Variants in DSC2 observed in about 807,000 individuals in gnomAD.
The protein encoded by DSC2 is desmocollin 2.
A neutral mutation model predicts 87.6 loss-of-function variants in DSC2; 51 were observed. That is an observed-to-expected ratio of 0.58 (90% CI 0.46 to 0.74). DSC2 has a LOEUF of 0.74. Among genes scored for constraint, DSC2 ranks in the 30% least tolerant of loss-of-function variants. The pLI is 0.00. For missense variants in DSC2, 1,066 were observed against 1,089.5 expected, an observed-to-expected ratio of 0.98 and a Z score of 0.30; for synonymous variants, 383 against 393.2, an observed-to-expected ratio of 0.97 and a Z score of 0.31.
At chr18:31,071,575 T>C in intron 13 of DSC2, 30 bp downstream of exon 13, 1 of 1,595,722 alleles carries the variant, frequency 6.3e-7, no homozygotes, top group South Asian at 1.1e-5. Flanking sequence ...AAGGGTATTA[T>C]TTGAATTCAA....
At chr18:31,100,545 GTTA>G (rs758215586) in intron 1 of DSC2, among the ~76,000 whole-genome samples, 16 of 152,150 alleles carry the variant, frequency 1.1e-4, no homozygotes, top group Non-Finnish European at 1.9e-4. Flanking sequence ...CCCTTTCTAT[GTTA>G]TTAATATGCC....
Position 31,064,550 on chromosome 18 carries a change from G to T in DSC2, c.*3465C>A, listed in dbSNP as rs1029253567. The T allele has an allele frequency of 6.6e-6, 1 of 152,192 alleles. No individual in the cohort carries two copies. The highest frequency in any genetic ancestry group is 1.5e-5 in the Non-Finnish European group (1 of 68,028). The allele number at this position is 152,192 out of a possible 1,614,324, so 9.4% of individuals were successfully genotyped here. ...TCTCTGTTTCAAGCCTAAGTAAGTG[G>T]AAGAAGGGCACCATTGTGTAAATAA... On this transcript the variant is annotated 3_prime_UTR_variant, in exon 16 of 16. Coordinates refer to ENST00000280904, the MANE Select transcript of DSC2 (RefSeq NM_024422.6).
At chr18:31,081,496 T>C (rs1987218185) in intron 9 of DSC2, among the ~76,000 whole-genome samples, 10 of 152,146 alleles carry the variant, frequency 6.6e-5, no homozygotes, top group Admixed American at 6.6e-4. Flanking sequence ...TTCTCTGCTA[T>C]TTTAAAATAG....
chr18:31,077,428 T>G (rs1474756744), intron 11 of DSC2, among the ~76,000 whole-genome samples: 3 of 152,234 alleles, frequency 2.0e-5, no homozygotes, highest in Non-Finnish European at 4.4e-5. Context: ...AATTGTGCTA[T>G]CTTTAAAAAC....
At chr18:31,094,846 TA>T (rs771026832) in intron 1 of DSC2, among the ~76,000 whole-genome samples, 1 of 152,202 alleles carries the variant, frequency 6.6e-6, no homozygotes, top group Non-Finnish European at 1.5e-5. Context: ...ACTGGCTGCA[TA>T]GCCAAGAGAG....
Position 31,068,955 on chromosome 18 carries a change from A to G in DSC2, c.2447T>C (p.Val816Ala). The change falls in exon 15 of 16, where the codon GTG becomes GCG. Residue 816 changes from valine to alanine, a missense_variant. Val to Ala is a moderately conservative substitution (Grantham distance 64). Coordinates refer to ENST00000280904, the MANE Select transcript of DSC2 (RefSeq NM_024422.6). ...CGAGTAAGTGTATCTGCAGTTGTCC[A>G]CCTCCGTGTGTCCTCCCCTGCAGGA... is the stretch of plus-strand genomic sequence containing the variant. Reference protein sequence around the residue: ...LDSCRGGHTEVDNCRYTYSEW... With the variant: ...LDSCRGGHTEADNCRYTYSEW... 1 of 1,614,038 alleles carries G rather than the reference A, an allele frequency of 6.2e-7. No individual in the cohort carries two copies. Among genetic ancestry groups the G allele is most frequent in the Non-Finnish European group, 8.5e-7 (1 of 1,179,998 alleles).
At position 31,066,907 on chromosome 18, in the gene DSC2, C is replaced by T. The variant is rs942443664; in HGVS notation, c.*1108G>A. 3 of 152,030 alleles carry T rather than the reference C, an allele frequency of 2.0e-5. No individual in the cohort carries two copies. The highest frequency in any genetic ancestry group is 2.9e-5 in the Non-Finnish European group (2 of 67,976). 9.4% of individuals were successfully genotyped at this position (152,030 alleles called of 1,614,324 possible). On this transcript the variant is annotated 3_prime_UTR_variant, in exon 16 of 16. Transcript: ENST00000280904. ...ATCACTACTTCACATTTTTAAACTGCATCCTTGCATTACAGAACTGTAAAT... is the reference window on the plus strand; with the variant it reads ...ATCACTACTTCACATTTTTAAACTGTATCCTTGCATTACAGAACTGTAAAT...
intron 4 of DSC2, among the ~76,000 whole-genome samples, chr18:31,090,798 G>T (rs548499113): frequency 6.6e-6 from 1 of 152,286 alleles, no homozygotes; most frequent in East Asian, 1.9e-4. Context: ...AATTCATTAA[G>T]GAACCATGTG....
intron 1 of DSC2, among the ~76,000 whole-genome samples, chr18:31,100,882 C>T (rs201399183): frequency 6.6e-6 from 1 of 152,042 alleles, no homozygotes; most frequent in African/African-American, 2.4e-5. Flanking sequence ...TTTTTATATC[C>T]CCAATTCCCC....
At chr18:31,070,909 T>C in intron 13 of DSC2, 59 bp from the exon 14 acceptor site, 2 of 1,572,398 alleles carry the variant, frequency 1.3e-6, no homozygotes, top group South Asian at 2.2e-5. Flanking sequence ...GTTATAAATG[T>C]ACAATGGTTA....
At chr18:31,068,652 C>A (rs1344189843) in intron 15 of DSC2, among the ~76,000 whole-genome samples, 1 of 151,840 alleles carries the variant, frequency 6.6e-6, no homozygotes, top group African/African-American at 2.4e-5. Context: ...AGCCATGAGA[C>A]AGTAATTTAA....
chr18:31,086,705 A>G lies in DSC2; in HGVS notation c.813T>C (p.Asp271=). ...TVGQVCATDK[D]EPDTMHTRLK... is the part of the protein sequence containing the mutation. Reference sequence around the variant, plus strand: ...GGCGTGTGTGCATCGTGTCAGGCTCATCTTTGTCAGTAGCACACACTTGTC... The same window carrying G: ...GGCGTGTGTGCATCGTGTCAGGCTCGTCTTTGTCAGTAGCACACACTTGTC... The change falls in exon 7 of 16, where the codon GAT becomes GAC. Residue 271 remains aspartate, a synonymous_variant. Coordinates refer to ENST00000280904, the MANE Select transcript of DSC2 (RefSeq NM_024422.6). 1 of 1,614,140 alleles carries G rather than the reference A, an allele frequency of 6.2e-7. No homozygotes were observed. The highest frequency in any genetic ancestry group is 8.5e-7 in the Non-Finnish European group (1 of 1,180,012).
Position 31,082,191 on chromosome 18 carries a change from A to G in DSC2, c.1263+47T>C, listed in dbSNP as rs904402009. ...TCTTTCCATTAAATTCTAGCATGCT[A>G]TTCTATGATATTATAAACTACAAAT... On this transcript the variant is annotated intron_variant, in intron 9 of 15. Coordinates refer to ENST00000280904, the MANE Select transcript of DSC2 (RefSeq NM_024422.6). The G allele has an allele frequency of 1.6e-5, 24 of 1,544,318 alleles. No individual in the cohort carries two copies. In the African/African-American group the frequency reaches 3.3e-4, roughly 21 times the overall value.
chr18:31,060,492 C>T lies in DSC2; in HGVS notation c.*7523G>A, dbSNP rs1624923. 0.037 allele frequency: 5,591 copies of T among 152,324 alleles called. 129 individuals are homozygous for T. Among genetic ancestry groups the T allele is most frequent in the Non-Finnish European group, 0.06 (4,064 of 68,112 alleles). The allele number at this position is 152,324 out of a possible 1,614,324, so 9.4% of individuals were successfully genotyped here. On this transcript the variant is annotated 3_prime_UTR_variant, in exon 16 of 16. Transcript: ENST00000280904. ...CACAGGCCCCTCTGAAGCTCCTGGC[C>T]GCCACAGTCAGTGAGCATTACCTGT...
intron 3 of DSC2, 128 bp from the exon 4 acceptor site, chr18:31,091,275 A>G: frequency 9.4e-7 from 1 of 1,058,632 alleles, no homozygotes; most frequent in African/African-American, 1.6e-5. Context: ...GGAGTGCTTG[A>G]AAACCAAACT....
chr18:31,091,050 G>A lies in DSC2; in HGVS notation c.452C>T (p.Pro151Leu). ...TACCTGTTGAAGGAAAAGTGGAAAA[G>A]GACCCAAGGAGTTTTCTAGCATCGA... ...PCSMLENSLG[P>L]FPLFLQQVQS... The change falls in exon 4 of 16, where the codon CCT (proline) becomes CTT (leucine). Residue 151 changes from proline to leucine, a missense_variant. Transcript: ENST00000280904. The A allele has an allele frequency of 6.2e-7, 1 of 1,614,028 alleles. No homozygotes were observed. Among genetic ancestry groups the A allele is most frequent in the Non-Finnish European group, 8.5e-7 (1 of 1,179,934 alleles).
At chr18:31,098,282 T>C (rs1987826583) in intron 1 of DSC2, among the ~76,000 whole-genome samples, 1 of 152,170 alleles carries the variant, frequency 6.6e-6, no homozygotes, top group Non-Finnish European at 1.5e-5. Flanking sequence ...GAAACATATT[T>C]TACATTTAAA....
At chr18:31,073,492 T>C (rs909446220) in intron 12 of DSC2, among the ~76,000 whole-genome samples, 1 of 152,180 alleles carries the variant, frequency 6.6e-6, no homozygotes, top group African/African-American at 2.4e-5. Context: ...AGCTTATTTC[T>C]ATAAGTCTTC....
chr18:31,101,750 C>T, intron 1 of DSC2, 153 bp downstream of exon 1: 1 of 686,022 alleles, frequency 1.5e-6, no homozygotes, highest in Admixed American at 3.0e-5. Context: ...TATCTGCCCT[C>T]CCCCACCCCC....
Sources: gnomAD v4.1 joint callset for allele counts (sites outside exome capture counted in the v4.1 genomes callset) on GRCh38, gnomAD v4.1.1 for gene constraint, MANE v1.5 for transcripts, NCBI Gene and HGNC (gene_info 2026-07-23, HGNC 2026-07-21) for gene names.